The following FOXP2 variants were observed in gnomAD, a reference collection of about 807,000 sequenced individuals.
FOXP2 encodes forkhead box protein P2.
In FOXP2, 12 loss-of-function variants were observed where a neutral mutation model predicts 115.8. The ratio of observed to expected loss-of-function variants is 0.10; its 90% confidence interval spans 0.07 to 0.17. The LOEUF (loss-of-function observed/expected upper bound fraction) is 0.17. Ranked by LOEUF, FOXP2 falls within the 10% of genes least tolerant of loss-of-function variation. The pLI is 1.00. For missense variants in FOXP2, 629 were observed against 843.5 expected (o/e 0.75, Z 3.15); for synonymous variants, 328 against 297.7 (o/e 1.10, Z -1.05).
At chr7:114,440,833 G>A (rs1221876897) in intron 2 of FOXP2, among the ~76,000 whole-genome samples, 1 of 151,934 alleles carries the variant, frequency 6.6e-6, no homozygotes, top group East Asian at 1.9e-4. Context: ...CAATCACAAT[G>A]ATAATTTATC....
chr7:114,135,975 T>TTCAAG (rs1792027572), intron 1 of FOXP2, among the ~76,000 whole-genome samples: 2 of 152,112 alleles, frequency 1.3e-5, no homozygotes, highest in Non-Finnish European at 2.9e-5. Context: ...ATGTCTTGTA[T>TTCAAG]ACACCTAATG....
intron 6 of FOXP2, among the ~76,000 whole-genome samples, chr7:114,640,077 A>G (rs923209228): frequency 6.6e-6 from 1 of 152,164 alleles, no homozygotes; most frequent in Non-Finnish European, 1.5e-5. Flanking sequence ...GCAGAGAGGC[A>G]GCTGGTAAGA....
chr7:114,504,757 CA>C (rs2129255142), intron 2 of FOXP2, among the ~76,000 whole-genome samples: 1 of 151,724 alleles, frequency 6.6e-6, no homozygotes, highest in Admixed American at 6.6e-5. Context: ...ATAGATTTTT[CA>C]GGTTTCATCC....
At chr7:114,154,443 G>C (rs1792608463) in intron 1 of FOXP2, among the ~76,000 whole-genome samples, 1 of 151,930 alleles carries the variant, frequency 6.6e-6, no homozygotes, top group Non-Finnish European at 1.5e-5. Context: ...AAAAATAAGT[G>C]TAAGTACATC....
chr7:114,415,772 G>A (rs1426302508), intron 1 of FOXP2, among the ~76,000 whole-genome samples: 9 of 151,936 alleles, frequency 5.9e-5, no homozygotes, highest in Non-Finnish European at 1.3e-4. Context: ...TTGACCACAC[G>A]TTTGGGTGCC....
chr7:114,237,278 T>A (rs1440117010), intron 1 of FOXP2, among the ~76,000 whole-genome samples: 1 of 152,200 alleles, frequency 6.6e-6, no homozygotes, highest in East Asian at 1.9e-4. Context: ...ATATGAATAA[T>A]GAAGTAAAAT....
At position 114,385,050 on chromosome 7, in the gene FOXP2, C is replaced by T. The variant is rs182465727; in HGVS notation, c.-10-41452C>T. 1.1e-4 allele frequency among the ~76,000 whole-genome samples: 16 copies of T among 151,892 alleles called. No individual in the cohort carries two copies. The East Asian group carries it at 2.1e-3, about 20-fold the overall frequency. On this transcript the variant is annotated intron_variant, in intron 2 of 17. Coordinates refer to the FOXP2 transcript ENST00000634411. ...TCCCTCTTTGTCTCTCTCTCCCCCC[C>T]TCTCTCTCTAATTCCCTCTCTCCCT...
At chr7:114,154,233 A>G (rs1792598797) in intron 1 of FOXP2, among the ~76,000 whole-genome samples, 1 of 152,144 alleles carries the variant, frequency 6.6e-6, no homozygotes, top group Non-Finnish European at 1.5e-5. Context: ...ATTAATGTCT[A>G]GACTATGAAC....
intron 1 of FOXP2, among the ~76,000 whole-genome samples, chr7:114,179,807 T>G (rs542020967): frequency 6.6e-6 from 1 of 152,060 alleles, no homozygotes; most frequent in East Asian, 1.9e-4. Flanking sequence ...TAGTGAGTTC[T>G]TATTTATCTT....
At chr7:114,351,789 A>C (rs1791496030) in intron 2 of FOXP2, among the ~76,000 whole-genome samples, 1 of 152,148 alleles carries the variant, frequency 6.6e-6, no homozygotes, top group South Asian at 2.1e-4. Context: ...CTTGAAATTA[A>C]TGTCATAATC....
intron 1 of FOXP2, among the ~76,000 whole-genome samples, chr7:114,205,371 C>A (rs1047116160): frequency 6.6e-6 from 1 of 152,058 alleles, no homozygotes; most frequent in Non-Finnish European, 1.5e-5. Flanking sequence ...ATTTGAAAAG[C>A]AAGTATAAAG....
intron 2 of FOXP2, among the ~76,000 whole-genome samples, chr7:114,481,812 A>ATC (rs1562952222): frequency 1.9e-4 from 24 of 125,228 alleles, no homozygotes; most frequent in South Asian, 1.3e-3. Flanking sequence ...ATCTATCTAT[A>ATC]TATCTATCTA....
intron 2 of FOXP2, among the ~76,000 whole-genome samples, chr7:114,386,134 TG>T (rs1366398753): frequency 6.6e-6 from 1 of 152,096 alleles, no homozygotes; most frequent in Non-Finnish European, 1.5e-5. Context: ...TCCAGAGGGA[TG>T]GGAGTCGGCG....
At chr7:114,515,990 T>A (rs2129265697) in intron 2 of FOXP2, among the ~76,000 whole-genome samples, 1 of 152,206 alleles carries the variant, frequency 6.6e-6, no homozygotes, top group Admixed American at 6.5e-5. Flanking sequence ...CTGCCCAAGG[T>A]AATTTATAGA....
chr7:114,690,995 A>G lies in FOXP2; in HGVS notation c.*1069A>G, dbSNP rs780851371. 15 of 454,334 alleles carry G rather than the reference A, an allele frequency of 3.3e-5. No individual in the cohort carries two copies. Among genetic ancestry groups the G allele is most frequent in the Non-Finnish European group, 6.2e-5 (14 of 226,770 alleles). The allele number at this position is 454,334 out of a possible 1,614,324, so 28.1% of individuals were successfully genotyped here. ...GAGGCCAAAAGTCCATCTAAATGCA[A>G]TGAAGATTTGCTTTCATTAAAGACA... On this transcript the variant is annotated 3_prime_UTR_variant, in exon 17 of 17. Transcript: ENST00000350908.
intron 2 of FOXP2, among the ~76,000 whole-genome samples, chr7:114,308,290 T>C (rs1797064859): frequency 6.6e-6 from 1 of 152,074 alleles, no homozygotes; most frequent in African/African-American, 2.4e-5. Flanking sequence ...AACCAATTAG[T>C]CATTATACTA....
At chr7:114,399,556 T>C (rs1385604385) in intron 2 of FOXP2, among the ~76,000 whole-genome samples, 1 of 152,242 alleles carries the variant, frequency 6.6e-6, no homozygotes, top group African/African-American at 2.4e-5. Context: ...TTCTGTGGTA[T>C]ACTTTTAAAA....
chr7:114,578,061 G>A (rs555849766), intron 3 of FOXP2, among the ~76,000 whole-genome samples: 2 of 152,044 alleles, frequency 1.3e-5, no homozygotes, highest in African/African-American at 4.8e-5. Context: ...TATACCTGAA[G>A]AACATTTTCT....
At chr7:114,272,931 A>G (rs1255669011) in intron 1 of FOXP2, among the ~76,000 whole-genome samples, 1 of 151,632 alleles carries the variant, frequency 6.6e-6, no homozygotes, top group Admixed American at 6.6e-5. Flanking sequence ...CCTGTTTTCA[A>G]TTTCATTAAG....
Sources: gnomAD v4.1 joint callset for allele counts (sites outside exome capture counted in the v4.1 genomes callset) on GRCh38, gnomAD v4.1.1 for gene constraint, MANE v1.5 for transcripts, NCBI Gene and HGNC (gene_info 2026-07-23, HGNC 2026-07-21) for gene names.